The following GPHN variants were observed in gnomAD, a reference collection of about 807,000 sequenced individuals.
GPHN encodes the protein gephyrin.
In GPHN, 17 loss-of-function variants were observed where a neutral mutation model predicts 95.5. That is an observed-to-expected ratio of 0.18 (90% CI 0.12 to 0.27). The LOEUF (loss-of-function observed/expected upper bound fraction) is 0.27. GPHN is among the 10% of genes least tolerant of loss of function. GPHN has a pLI of 1.00. For synonymous variants in GPHN, 320 were observed against 322.5 expected (o/e 0.99, Z 0.08); for missense variants, 660 against 978.1 (o/e 0.67, Z 4.34).
chr14:66,767,650 T>C (rs2059013902), intron 2 of GPHN, among the ~76,000 whole-genome samples: 1 of 151,892 alleles, frequency 6.6e-6, no homozygotes, highest in South Asian at 2.1e-4. Context: ...ATAGAGTAAT[T>C]GCTTTCAGAA....
At chr14:67,550,972 A>G in the GPHN span, among the ~76,000 whole-genome samples, 186 of 152,372 alleles carry the variant, frequency 1.2e-3, no homozygotes, top group Admixed American at 2.0e-3. Context: ...ATGCATGTAC[A>G]GTGCTTATGA....
chr14:67,213,187 A>G, the GPHN span, among the ~76,000 whole-genome samples: 4 of 149,294 alleles, frequency 2.7e-5, no homozygotes, highest in Middle Eastern at 3.4e-3. Context: ...ATTATACTTT[A>G]AGTTTTAGGG....
chr14:67,047,017 T>C (rs2075052233), intron 10 of GPHN, among the ~76,000 whole-genome samples: 1 of 152,172 alleles, frequency 6.6e-6, no homozygotes, highest in South Asian at 2.1e-4. Context: ...TCTTAGGCGG[T>C]TTGCTCTTCA....
the GPHN span, among the ~76,000 whole-genome samples, chr14:67,720,260 G>C: frequency 6.6e-6 from 1 of 152,070 alleles, no homozygotes; most frequent in Non-Finnish European, 1.5e-5. Context: ...TGATTTGTAA[G>C]AGTTCTTTAT....
At chr14:66,914,042 T>C (rs1338945540) in intron 5 of GPHN, among the ~76,000 whole-genome samples, 6 of 152,004 alleles carry the variant, frequency 3.9e-5, no homozygotes, top group African/African-American at 1.4e-4. Context: ...TGTAATGTTT[T>C]GACAAAATAG....
the GPHN span, among the ~76,000 whole-genome samples, chr14:67,554,956 A>G: frequency 6.6e-5 from 10 of 152,302 alleles, no homozygotes; most frequent in African/African-American, 2.4e-4. Context: ...TGTGTCACCC[A>G]GGCTGGAGTG....
the GPHN span, among the ~76,000 whole-genome samples, chr14:67,567,437 C>T: frequency 6.6e-6 from 1 of 152,158 alleles, no homozygotes; most frequent in Non-Finnish European, 1.5e-5. Flanking sequence ...GTTTCATTTC[C>T]TCTGCAAAGT....
At chr14:66,673,259 A>G (rs1241791229) in intron 1 of GPHN, among the ~76,000 whole-genome samples, 2 of 151,366 alleles carry the variant, frequency 1.3e-5, no homozygotes, top group Non-Finnish European at 2.9e-5. Flanking sequence ...CGCCCGGGTA[A>G]TTTTTTGTAT....
the GPHN span, chr14:67,728,058 C>T: frequency 6.6e-6 from 1 of 152,198 alleles, no homozygotes; most frequent in Admixed American, 6.5e-5. Flanking sequence ...TTCATCTTCT[C>T]AGCTGTAAAA....
the GPHN span, among the ~76,000 whole-genome samples, chr14:67,622,495 C>G: frequency 1.1e-4 from 16 of 152,268 alleles, no homozygotes; most frequent in South Asian, 6.2e-4. Flanking sequence ...TTACTAAGGC[C>G]TCTCTTAGTC....
At chr14:66,946,934 A>G (rs2067792448) in intron 8 of GPHN, among the ~76,000 whole-genome samples, 1 of 152,092 alleles carries the variant, frequency 6.6e-6, no homozygotes, top group African/African-American at 2.4e-5. Flanking sequence ...TGGTCTCATC[A>G]TTTCCACCCT....
chr14:66,545,979 C>T (rs1251022673), intron 1 of GPHN, among the ~76,000 whole-genome samples: 6 of 137,748 alleles, frequency 4.4e-5, no homozygotes, highest in African/African-American at 8.0e-5. Context: ...TCAGACGGGG[C>T]GGCTTCGGGG....
chr14:67,716,711 C>A, the GPHN span, among the ~76,000 whole-genome samples: 24 of 151,988 alleles, frequency 1.6e-4, no homozygotes, highest in Non-Finnish European at 4.4e-5. Flanking sequence ...TGGTGAAACC[C>A]CATCTCTACT....
chr14:66,709,349 A>G, intron 2 of GPHN: 1 of 456,042 alleles, frequency 2.2e-6, no homozygotes, highest in Non-Finnish European at 4.4e-6. Flanking sequence ...GTCCCCTTTT[A>G]TCCACAGGGG....
chr14:66,752,966 T>C (rs1165848296), intron 2 of GPHN, among the ~76,000 whole-genome samples: 2 of 151,158 alleles, frequency 1.3e-5, no homozygotes, highest in African/African-American at 4.9e-5. Context: ...GAGAGATTGA[T>C]TTAATAAATA....
At chr14:66,752,122 G>T (rs959381810) in intron 2 of GPHN, among the ~76,000 whole-genome samples, 2 of 152,054 alleles carry the variant, frequency 1.3e-5, no homozygotes, top group Non-Finnish European at 2.9e-5. Flanking sequence ...AGCCTTCATA[G>T]AATCGAAGAG....
chr14:67,356,753 G>T, the GPHN span, among the ~76,000 whole-genome samples: 1 of 152,116 alleles, frequency 6.6e-6, no homozygotes, highest in Admixed American at 6.5e-5. Flanking sequence ...AATTATCACT[G>T]GCTGACTCTG....
chr14:67,165,305 G>A, intron 20 of GPHN, 79 bp downstream of exon 20: 2 of 868,794 alleles, frequency 2.3e-6, no homozygotes, highest in Non-Finnish European at 3.9e-6. Context: ...TGACCACCTG[G>A]TTTGAAATCT....
At chr14:66,605,553 G>A (rs1280326066) in intron 1 of GPHN, among the ~76,000 whole-genome samples, 55 of 125,162 alleles carry the variant, frequency 4.4e-4, no homozygotes, top group African/African-American at 1.5e-3. Context: ...TTTTTGAGAC[G>A]GAGTCTCACT....
Sources: gnomAD v4.1 joint callset for allele counts (sites outside exome capture counted in the v4.1 genomes callset) on GRCh38, gnomAD v4.1.1 for gene constraint, MANE v1.5 for transcripts, NCBI Gene and HGNC (gene_info 2026-07-23, HGNC 2026-07-21) for gene names.